ME1: variants seen among roughly 807,000 people sequenced by gnomAD.
ME1 encodes malic enzyme 1.
In ME1, 74 loss-of-function variants were observed where a neutral mutation model predicts 66.4. The ratio of observed to expected loss-of-function variants is 1.11; its 90% confidence interval spans 0.92 to 1.35. The LOEUF is 1.35. Among genes scored for constraint, ME1 ranks in the 40% most tolerant of loss-of-function variants. The pLI, the probability that ME1 is intolerant of heterozygous loss-of-function variation, is 0.00. For missense variants in ME1, 750 were observed against 694.1 expected, an observed-to-expected ratio of 1.08 and a Z score of -0.90; for synonymous variants, 251 against 235.6, an observed-to-expected ratio of 1.07 and a Z score of -0.60.
At chr6:83,340,767 G>C (rs893540747) in intron 5 of ME1, among the ~76,000 whole-genome samples, 2 of 151,664 alleles carry the variant, frequency 1.3e-5, no homozygotes, top group African/African-American at 2.4e-5. Context: ...AGTATGCTCT[G>C]GGACAGTTTA....
intron 3 of ME1, among the ~76,000 whole-genome samples, chr6:83,358,559 G>A (rs1768944251): frequency 6.6e-6 from 1 of 152,204 alleles, no homozygotes; most frequent in Non-Finnish European, 1.5e-5. Context: ...TGCAATGAAA[G>A]GTGCATGCAC....
chr6:83,392,770 G>A (rs774137757), intron 3 of ME1: 15 of 677,344 alleles, frequency 2.2e-5, no homozygotes, highest in Non-Finnish European at 3.3e-5. Flanking sequence ...AGCCAAAACG[G>A]TCATCATCTC....
chr6:83,232,804 T>A (rs1790329816), intron 9 of ME1, among the ~76,000 whole-genome samples: 1 of 152,200 alleles, frequency 6.6e-6, no homozygotes, highest in Admixed American at 6.5e-5. Flanking sequence ...GAAATAACTA[T>A]ATTGTCAAAA....
At chr6:83,291,132 AT>A (rs1767494924) in intron 6 of ME1, among the ~76,000 whole-genome samples, 1 of 152,116 alleles carries the variant, frequency 6.6e-6, no homozygotes, top group South Asian at 2.1e-4. Context: ...TAAGGTTAAT[AT>A]TGTTATGTGT....
chr6:83,341,698 G>C (rs2128543173), intron 5 of ME1, among the ~76,000 whole-genome samples: 1 of 152,268 alleles, frequency 6.6e-6, no homozygotes, highest in African/African-American at 2.4e-5. Context: ...GGAGAATAGG[G>C]TCTGGAGGCG....
At chr6:83,251,292 C>A (rs781578218) in intron 7 of ME1, among the ~76,000 whole-genome samples, 3 of 151,832 alleles carry the variant, frequency 2.0e-5, no homozygotes, top group Non-Finnish European at 2.9e-5. Context: ...TTCAGGAGCT[C>A]GAGACCAGCC....
intron 6 of ME1, among the ~76,000 whole-genome samples, chr6:83,280,603 A>G (rs1291584660): frequency 6.6e-6 from 1 of 152,180 alleles, no homozygotes; most frequent in South Asian, 2.1e-4. Context: ...AGCTACTTAT[A>G]TTTCACATTT....
At chr6:83,407,980 C>G in intron 1 of ME1, 79 bp from the exon 2 acceptor site, 1 of 1,435,464 alleles carries the variant, frequency 7.0e-7, no homozygotes, top group Non-Finnish European at 9.2e-7. Context: ...TAAAATCTGA[C>G]AAGTATATGC....
At chr6:83,374,712 A>T (rs1407466603) in intron 3 of ME1, among the ~76,000 whole-genome samples, 2 of 152,072 alleles carry the variant, frequency 1.3e-5, no homozygotes. Context: ...TTTCTTCTAG[A>T]GTTTTCATGG....
At chr6:83,248,311 C>T (rs1438198400) in intron 7 of ME1, among the ~76,000 whole-genome samples, 1 of 152,066 alleles carries the variant, frequency 6.6e-6, no homozygotes, top group African/African-American at 2.4e-5. Context: ...AGAAGATATA[C>T]AATATTAAAG....
intron 5 of ME1, among the ~76,000 whole-genome samples, chr6:83,318,074 G>C (rs1455055921): frequency 6.6e-6 from 1 of 151,884 alleles, no homozygotes; most frequent in Non-Finnish European, 1.5e-5. Context: ...TTAAATAAAT[G>C]GTGCTGGGAA....
At chr6:83,379,731 T>G (rs1205082803) in intron 3 of ME1, among the ~76,000 whole-genome samples, 2 of 152,090 alleles carry the variant, frequency 1.3e-5, no homozygotes, top group African/African-American at 4.8e-5. Flanking sequence ...ATTAAACCAA[T>G]TATGTTCCAA....
At chr6:83,331,344 C>T (rs1768404207) in intron 5 of ME1, among the ~76,000 whole-genome samples, 1 of 152,106 alleles carries the variant, frequency 6.6e-6, no homozygotes, top group East Asian at 1.9e-4. Context: ...AATCCCAGCA[C>T]TTTGGGAGGC....
At chr6:83,406,471 G>A (rs370549999) in intron 2 of ME1, among the ~76,000 whole-genome samples, 45 of 151,850 alleles carry the variant, frequency 3.0e-4, no homozygotes, top group African/African-American at 8.2e-4. Flanking sequence ...GGTTTTTTTC[G>A]TTGGTACTCT....
intron 6 of ME1, among the ~76,000 whole-genome samples, chr6:83,277,358 C>G (rs377262684): frequency 6.6e-6 from 1 of 152,174 alleles, no homozygotes; most frequent in Non-Finnish European, 1.5e-5. Context: ...GGCCTAGCCT[C>G]AGCACCCCCA....
chr6:83,331,939 A>G lies in ME1; in HGVS notation c.600+14234T>C, dbSNP rs191584758. Among the ~76,000 whole-genome samples the G allele has an allele frequency of 2.0e-5, 3 of 152,330 alleles. No individual in the cohort carries two copies. The East Asian group carries it at 5.8e-4, about 29-fold the overall frequency. On this transcript the variant is annotated intron_variant, in intron 5 of 13. Transcript: ENST00000369705. ...TTTTAGTCAAATAGCAAGCCTCAAT[A>G]TTAGTCATATACAAGAAAAACAGAC...
At chr6:83,251,272 A>G (rs1197886149) in intron 7 of ME1, among the ~76,000 whole-genome samples, 1 of 152,124 alleles carries the variant, frequency 6.6e-6, no homozygotes, top group Non-Finnish European at 1.5e-5. Context: ...AGGCGGGCAG[A>G]TCACTTGCAT....
chr6:83,427,305 A>AT (rs1562011588), intron 1 of ME1, among the ~76,000 whole-genome samples: 3 of 152,212 alleles, frequency 2.0e-5, no homozygotes, highest in Non-Finnish European at 1.5e-5. Flanking sequence ...ACAAATGAAG[A>AT]TCCTAATTCT....
intron 5 of ME1, among the ~76,000 whole-genome samples, chr6:83,329,127 T>C (rs933545420): frequency 1.3e-5 from 2 of 152,158 alleles, no homozygotes; most frequent in Admixed American, 1.3e-4. Context: ...ATTATCTTAA[T>C]ATTATAAGTA....
Sources: gnomAD v4.1 joint callset for allele counts (sites outside exome capture counted in the v4.1 genomes callset) on GRCh38, gnomAD v4.1.1 for gene constraint, MANE v1.5 for transcripts, NCBI Gene and HGNC (gene_info 2026-07-23, HGNC 2026-07-21) for gene names.